The following CDK8 variants were observed in gnomAD, a reference collection of about 807,000 sequenced individuals.
CDK8 encodes cyclin dependent kinase 8.
Under a neutral mutation model 71.5 loss-of-function variants are expected in CDK8, and 29 were observed. That is an observed-to-expected ratio of 0.41 (90% CI 0.30 to 0.55). The LOEUF is 0.55. Ranked by LOEUF, CDK8 falls within the 20% of genes least tolerant of loss-of-function variation. The probability of loss-of-function intolerance (pLI) is 0.37; values close to 1 mark genes in which losing one functional copy is unlikely to be tolerated. For synonymous variants in CDK8, 161 were observed against 192.1 expected (o/e 0.84, Z 1.34); for missense variants, 288 against 572.6 (o/e 0.50, Z 5.07).
intron 1 of CDK8, among the ~76,000 whole-genome samples, chr13:26,329,483 G>GTTTTTTTTTTTTTTTTT (rs543441898): frequency 3.9e-5 from 5 of 128,488 alleles, no homozygotes; most frequent in Admixed American, 8.0e-5. Context: ...TTTTTTTTTT[G>GTTTTTTTTTTTTTTTTT]TTTTTTTTTT....
chr13:26,378,333 A>G (rs944890307), intron 4 of CDK8, among the ~76,000 whole-genome samples: 1 of 152,184 alleles, frequency 6.6e-6, no homozygotes, highest in Non-Finnish European at 1.5e-5. Flanking sequence ...CTCCTCCAGC[A>G]TGACATGCTG....
At chr13:26,292,186 G>T (rs887814434) in intron 1 of CDK8, among the ~76,000 whole-genome samples, 4 of 152,102 alleles carry the variant, frequency 2.6e-5, no homozygotes, top group Non-Finnish European at 5.9e-5. Flanking sequence ...TATATCAGTG[G>T]CTTAAACAAT....
chr13:26,381,364 C>T (rs138626737), intron 4 of CDK8, among the ~76,000 whole-genome samples: 10 of 151,950 alleles, frequency 6.6e-5, no homozygotes, highest in Admixed American at 3.9e-4. Flanking sequence ...GATTGATTAC[C>T]GTGGTGCATG....
chr13:26,329,280 C>T (rs1222054232), intron 1 of CDK8, among the ~76,000 whole-genome samples: 2 of 152,002 alleles, frequency 1.3e-5, no homozygotes, highest in Admixed American at 6.6e-5. Context: ...CATCTTACTC[C>T]TCCCATCTCT....
At chr13:26,379,449 C>A (rs189310920) in intron 4 of CDK8, among the ~76,000 whole-genome samples, 1 of 152,120 alleles carries the variant, frequency 6.6e-6, no homozygotes, top group Admixed American at 6.6e-5. Context: ...ATTTAGAACT[C>A]GACCAGTTCA....
intron 4 of CDK8, among the ~76,000 whole-genome samples, chr13:26,357,237 T>C (rs1487402098): frequency 6.6e-6 from 1 of 152,162 alleles, no homozygotes; most frequent in Non-Finnish European, 1.5e-5. Context: ...GGTGGGAAAA[T>C]AGAGATTTAT....
At chr13:26,272,654 C>A (rs1387134791) in intron 1 of CDK8, among the ~76,000 whole-genome samples, 1 of 152,208 alleles carries the variant, frequency 6.6e-6, no homozygotes, top group Non-Finnish European at 1.5e-5. Flanking sequence ...CATATACATA[C>A]ACCAGTAACA....
At chr13:26,274,789 T>G (rs974702461) in intron 1 of CDK8, among the ~76,000 whole-genome samples, 2 of 152,176 alleles carry the variant, frequency 1.3e-5, no homozygotes, top group African/African-American at 4.8e-5. Flanking sequence ...TATTCATTTT[T>G]TTATTCATGT....
At chr13:26,309,942 G>C (rs774772080) in intron 1 of CDK8, among the ~76,000 whole-genome samples, 1 of 152,118 alleles carries the variant, frequency 6.6e-6, no homozygotes, top group South Asian at 2.1e-4. Context: ...TTTTAGTAGA[G>C]ATGGGGTTTC....
At chr13:26,391,353 C>T (rs1031836527) in intron 6 of CDK8, among the ~76,000 whole-genome samples, 5 of 152,138 alleles carry the variant, frequency 3.3e-5, no homozygotes, top group Admixed American at 6.5e-5. Context: ...GCGATCCTCC[C>T]GCCTCAGCCT....
At chr13:26,316,600 G>GA (rs984457004) in intron 1 of CDK8, among the ~76,000 whole-genome samples, 5 of 152,134 alleles carry the variant, frequency 3.3e-5, no homozygotes, top group Non-Finnish European at 5.9e-5. Flanking sequence ...TAAAGGCTCA[G>GA]AAAAAACCTG....
chr13:26,293,781 A>G (rs1453472230), intron 1 of CDK8, among the ~76,000 whole-genome samples: 1 of 152,156 alleles, frequency 6.6e-6, no homozygotes, highest in Non-Finnish European at 1.5e-5. Context: ...CTAATTAACC[A>G]TAAGCATTAA....
chr13:26,254,774 G>C lies in CDK8; in HGVS notation c.128+5G>C. The C allele has an allele frequency of 6.2e-7, 1 of 1,611,370 alleles. No individual in the cohort carries two copies. Among genetic ancestry groups the C allele is most frequent in the Non-Finnish European group, 8.5e-7 (1 of 1,178,654 alleles). Reference sequence around the variant, plus strand: ...CAAAGCCAAGAGGAAAGATGGGTGAGTGTGTGTGTCTGGGCCGGTGTCCGC... The same window carrying C: ...CAAAGCCAAGAGGAAAGATGGGTGACTGTGTGTGTCTGGGCCGGTGTCCGC... On this transcript the variant is annotated splice_donor_5th_base_variant and intron_variant, in intron 1 of 12. Transcript: ENST00000381527. This position sits in a 1 kb window ranked among gnomAD's most constrained non-coding sequence, Gnocchi z 6.7.
chr13:26,363,049 GTATTTCTCACGC>G (rs1874219971), intron 4 of CDK8, among the ~76,000 whole-genome samples: 1 of 149,062 alleles, frequency 6.7e-6, no homozygotes, highest in South Asian at 2.1e-4. Flanking sequence ...GAAATTTGGA[GTATTTCTCACGC>G]CTGTAATCCC....
At chr13:26,265,050 T>A (rs192297020) in intron 1 of CDK8, among the ~76,000 whole-genome samples, 6 of 152,342 alleles carry the variant, frequency 3.9e-5, no homozygotes, top group Admixed American at 3.9e-4. Context: ...CGAGTGTAGG[T>A]ATCCCCTTGA....
intron 6 of CDK8, 152 bp downstream of exon 6, chr13:26,385,494 G>A: frequency 1.7e-6 from 1 of 575,986 alleles, no homozygotes; most frequent in East Asian, 3.2e-5. Context: ...AAGCACTTTG[G>A]GAGGCGGAGG....
chr13:26,331,174 T>A (rs1875298789), intron 1 of CDK8, among the ~76,000 whole-genome samples: 1 of 152,222 alleles, frequency 6.6e-6, no homozygotes, highest in Non-Finnish European at 1.5e-5. Context: ...GTGGTTTTTA[T>A]TTGCATTTCT....
At chr13:26,329,629 A>G (rs1284516965) in intron 1 of CDK8, among the ~76,000 whole-genome samples, 1 of 151,724 alleles carries the variant, frequency 6.6e-6, no homozygotes, top group African/African-American at 2.4e-5. Flanking sequence ...CAGCCTCCCA[A>G]GTAGCTGGGA....
At chr13:26,338,870 T>C (rs1873103304) in intron 2 of CDK8, among the ~76,000 whole-genome samples, 1 of 152,144 alleles carries the variant, frequency 6.6e-6, no homozygotes, top group Admixed American at 6.5e-5. Context: ...TCTCTGATCT[T>C]GCACTGGGTC....
Sources: gnomAD v4.1 joint callset for allele counts (sites outside exome capture counted in the v4.1 genomes callset) on GRCh38, gnomAD v4.1.1 for gene constraint, Gnocchi (gnomAD v3.1) non-coding constraint, MANE v1.5 for transcripts, NCBI Gene and HGNC (gene_info 2026-07-23, HGNC 2026-07-21) for gene names.